Variants in DAAM2 observed in about 807,000 individuals in gnomAD.
DAAM2 encodes dishevelled associated activator of morphogenesis 2, also known as disheveled-associated activator of morphogenesis 2.
In DAAM2, 39 loss-of-function variants were observed where a neutral mutation model predicts 120.7. That is an observed-to-expected ratio of 0.32 (90% CI 0.25 to 0.42). The LOEUF is 0.42. Ranked by LOEUF, DAAM2 falls within the 10% of genes least tolerant of loss-of-function variation. The probability of loss-of-function intolerance (pLI) is 1.00; values close to 1 mark genes in which losing one functional copy is unlikely to be tolerated. For missense variants in DAAM2, 1,283 were observed against 1,401.7 expected (o/e 0.92, Z 1.35); for synonymous variants, 488 against 524.9 (o/e 0.93, Z 0.96).
Position 39,803,048 on chromosome 6 carries a change from A to C in DAAM2, c.-57+10583A>C, listed in dbSNP as rs530813989. On this transcript the variant is annotated intron_variant, in intron 1 of 24. Transcript: ENST00000274867. Reference sequence around the variant, plus strand: ...CATTCTCATTGTTGCGTAGTAGTCCATTATGTGAATACAACATACTTTACT... The same window carrying C: ...CATTCTCATTGTTGCGTAGTAGTCCCTTATGTGAATACAACATACTTTACT... 4.6e-5 allele frequency among the ~76,000 whole-genome samples: 7 copies of C among 152,272 alleles called. No homozygotes were observed. In the South Asian group the frequency reaches 1.5e-3, roughly 32 times the overall value.
In DAAM2 at chr6:39,878,490, C is replaced by A. The variant is rs761409474; in HGVS notation, c.1447C>A (p.Leu483Met). The change falls in exon 13 of 25, where the codon CTG (leucine) becomes ATG (methionine). Residue 483 changes from leucine to methionine, a missense_variant. Physicochemically the swap from Leu to Met is conservative, Grantham distance 15 (BLOSUM62 2). This residue lies in a region of DAAM2 where 748 missense variants were observed against 768.6 expected (regional missense o/e 0.97). Coordinates refer to ENST00000274867, the MANE Select transcript of DAAM2 (RefSeq NM_001201427.2). This position sits in a 1 kb window ranked among gnomAD's most constrained non-coding sequence, Gnocchi z 5.0. ...GGAGAAGGAAGAGATGATGCGGACG[C>A]TGAACAAAATGAAGGACAAGCTGGC... Reference protein sequence around the residue: ...TLEKEEMMRTLNKMKDKLARE... With the variant: ...TLEKEEMMRTMNKMKDKLARE... 3.7e-6 allele frequency: 6 copies of A among 1,610,806 alleles called. No individual in the cohort carries two copies. The Admixed American group carries it at 1.0e-4, about 27-fold the overall frequency.
chr6:39,813,548 T>C (rs1469878811), intron 1 of DAAM2, among the ~76,000 whole-genome samples: 1 of 152,064 alleles, frequency 6.6e-6, no homozygotes, highest in Non-Finnish European at 1.5e-5. Flanking sequence ...TTTAGGAGGA[T>C]ATGAAGTTGC....
At chr6:39,876,491 G>T (rs892569919) in intron 11 of DAAM2, among the ~76,000 whole-genome samples, 4 of 152,156 alleles carry the variant, frequency 2.6e-5, no homozygotes, top group African/African-American at 9.7e-5. Flanking sequence ...TATTTAGTAG[G>T]CAATCTTTTC....
At chr6:39,798,460 A>G (rs759428733) in intron 1 of DAAM2, among the ~76,000 whole-genome samples, 33 of 152,236 alleles carry the variant, frequency 2.2e-4, no homozygotes, top group Non-Finnish European at 4.7e-4. Context: ...ATCACAAGGT[A>G]GATCAAGGGA....
intron 1 of DAAM2, chr6:39,823,358 G>C (rs1037819019): frequency 1.3e-5 from 2 of 152,334 alleles, no homozygotes; most frequent in Admixed American, 1.3e-4. Flanking sequence ...AAAGCAGCTT[G>C]GGGGTTCTGA....
At position 39,897,165 on chromosome 6, in the gene DAAM2, T is replaced by G. The variant is rs539726150; in HGVS notation, c.2511-10T>G. 17 of 1,607,260 alleles carry G rather than the reference T, an allele frequency of 1.1e-5. No individual in the cohort carries two copies. Among genetic ancestry groups the G allele is most frequent in the South Asian group, 7.7e-5 (7 of 90,866 alleles). ...CTGTCACTTACCACTGACCTGACTT[T>G]CATCCACAGAAACATCTCTCTGCTC... is the stretch of plus-strand genomic sequence containing the variant. On this transcript the variant is annotated splice_polypyrimidine_tract_variant and intron_variant, in intron 20 of 24. Coordinates refer to ENST00000274867, the MANE Select transcript of DAAM2 (RefSeq NM_001201427.2).
Position 39,900,077 on chromosome 6 carries a change from G to C in DAAM2, c.2680G>C (p.Glu894Gln). ...LRRGLRAVEV[E>Q]LEYQRRQVRE... ...GCAGCACTTCACCCTCCCTCCTCAG[G>C]AGCTGGAGTATCAGAGGCGCCAGGT... The change falls in exon 23 of 25, where the codon GAG becomes CAG. Residue 894 changes from glutamate to glutamine, a missense_variant and splice_region_variant. Transcript: ENST00000274867. 6.2e-7 allele frequency: 1 copy of C among 1,600,882 alleles called. No individual in the cohort carries two copies. Among genetic ancestry groups the C allele is most frequent in the Non-Finnish European group, 8.5e-7 (1 of 1,173,924 alleles).
chr6:39,851,441 G>A (rs1264783090), intron 1 of DAAM2, among the ~76,000 whole-genome samples: 6 of 152,168 alleles, frequency 3.9e-5, no homozygotes, highest in South Asian at 2.1e-4. Flanking sequence ...GAGAGTTGTC[G>A]AGGGAATAAA....
chr6:39,823,420 C>A (rs1232252011), intron 1 of DAAM2, among the ~76,000 whole-genome samples: 1 of 152,166 alleles, frequency 6.6e-6, no homozygotes, highest in Non-Finnish European at 1.5e-5. Context: ...GCCAGAGACT[C>A]AGAGAGGAAC....
At chr6:39,893,674 C>T (rs982159915) in intron 19 of DAAM2, among the ~76,000 whole-genome samples, 4 of 152,204 alleles carry the variant, frequency 2.6e-5, no homozygotes, top group African/African-American at 9.7e-5. Flanking sequence ...CTCTGTATAG[C>T]AATGGCTGCT....
At chr6:39,813,015 T>G (rs1233091202) in intron 1 of DAAM2, among the ~76,000 whole-genome samples, 5 of 151,968 alleles carry the variant, frequency 3.3e-5, no homozygotes, top group Admixed American at 3.3e-4. Context: ...GGATTGGCTC[T>G]CCCTGACACC....
chr6:39,884,519 G>T lies in DAAM2; in HGVS notation c.1953+450G>T, dbSNP rs532925284. 333 of 159,004 alleles carry T rather than the reference G, an allele frequency of 2.1e-3. 2 individuals are homozygous for T. The highest frequency in any genetic ancestry group is 4.4e-3 in the South Asian group (24 of 5,426). The allele number at this position is 159,004 out of a possible 1,614,324, so 9.8% of individuals were successfully genotyped here. A position where few individuals can be genotyped will look rare whatever the true frequency, so the allele number is the denominator to read the frequency against. On this transcript the variant is annotated intron_variant, in intron 15 of 24. Coordinates refer to ENST00000274867, the MANE Select transcript of DAAM2 (RefSeq NM_001201427.2). ...TCAAACCACTTTTCCACCACATTTT[G>T]TCTGTCAACACCTCTATGAGACCGA...
rs1765650761 is a variant in DAAM2, at chr6:39,890,577, G to C, written c.2146-764G>C. ...CTAAGGTCCTAGAATTCAGTTGAGA[G>C]CCTATATTCACTTGAATGGCTTACT... On this transcript the variant is annotated intron_variant, in intron 17 of 24. Coordinates refer to ENST00000274867, the MANE Select transcript of DAAM2 (RefSeq NM_001201427.2). Among the ~76,000 whole-genome samples, 4 of 152,176 alleles carry C rather than the reference G, an allele frequency of 2.6e-5. No individual in the cohort carries two copies. The East Asian group carries it at 7.7e-4, about 29-fold the overall frequency.
At position 39,884,057 on chromosome 6, in the gene DAAM2, C is replaced by T; in HGVS notation, c.1941C>T (p.Tyr647=). 2 of 1,592,134 alleles carry T rather than the reference C, an allele frequency of 1.3e-6. No homozygotes were observed. Among genetic ancestry groups the T allele is most frequent in the East Asian group, 2.2e-5 (1 of 44,630 alleles). ...LEDFEKMFSA[Y]QRHQKELGST... ...ATTTTGAAAAGATGTTTTCAGCCTA[C>T]CAGAGGCACCAGGTAAGACCCTATA... Residue 647 remains tyrosine (Y), a synonymous_variant, in exon 15 of 25, where the codon TAC becomes TAT. Coordinates refer to ENST00000274867, the MANE Select transcript of DAAM2 (RefSeq NM_001201427.2).
intron 14 of DAAM2, among the ~76,000 whole-genome samples, chr6:39,882,561 T>C (rs1765169836): frequency 6.6e-6 from 1 of 152,086 alleles, no homozygotes; most frequent in Non-Finnish European, 1.5e-5. Context: ...GATCAGACTG[T>C]GGCTGCACAC....
At chr6:39,868,255 G>GT (rs1764510637) in intron 6 of DAAM2, 1 of 243,686 alleles carries the variant, frequency 4.1e-6, no homozygotes, top group Non-Finnish European at 8.1e-6. Flanking sequence ...ACCTAATGTG[G>GT]GACACTGGGA....
intron 1 of DAAM2, among the ~76,000 whole-genome samples, chr6:39,843,569 C>T (rs72857137): frequency 6.6e-6 from 1 of 152,046 alleles, no homozygotes; most frequent in Non-Finnish European, 1.5e-5. Context: ...ATTTGCGGGC[C>T]CAGCACAAAA....
intron 1 of DAAM2, chr6:39,821,452 G>A (rs1382496872): frequency 6.6e-6 from 1 of 152,202 alleles, no homozygotes; most frequent in Non-Finnish European, 1.5e-5. Flanking sequence ...AAAGAAAGTT[G>A]GAAAATAGCT....
intron 10 of DAAM2, among the ~76,000 whole-genome samples, chr6:39,874,615 G>A (rs987529310): frequency 6.6e-6 from 1 of 152,216 alleles, no homozygotes; most frequent in African/African-American, 2.4e-5. Flanking sequence ...GATTGAACTT[G>A]TTGGCTTTTT....
Sources: gnomAD v4.1 joint callset for allele counts (sites outside exome capture counted in the v4.1 genomes callset) on GRCh38, gnomAD v4.1.1 for gene constraint, gnomAD v4.1.1 regional missense constraint, Gnocchi (gnomAD v3.1) non-coding constraint, MANE v1.5 for transcripts, NCBI Gene and HGNC (gene_info 2026-07-23, HGNC 2026-07-21) for gene names.